SPAG16: variants seen among roughly 807,000 people sequenced by gnomAD.
The protein encoded by SPAG16 is sperm associated antigen 16, also known as sperm-associated antigen 16 protein.
Under a neutral mutation model 80.4 loss-of-function variants are expected in SPAG16, and 86 were observed. That is an observed-to-expected ratio of 1.07 (90% CI 0.90 to 1.28). The LOEUF is 1.28. Ranked by LOEUF, SPAG16 falls within the 50% of genes most tolerant of loss-of-function variation. The probability of loss-of-function intolerance (pLI) is 0.00; values close to 1 mark genes in which losing one functional copy is unlikely to be tolerated. For missense variants in SPAG16, 870 were observed against 765.3 expected, an observed-to-expected ratio of 1.14 and a Z score of -1.61; for synonymous variants, 294 against 265.9, an observed-to-expected ratio of 1.11 and a Z score of -1.03.
intron 9 of SPAG16, among the ~76,000 whole-genome samples, chr2:213,399,002 A>G (rs1421052366): frequency 6.6e-6 from 1 of 151,878 alleles, no homozygotes; most frequent in Non-Finnish European, 1.5e-5. Flanking sequence ...TTTCTGCTAA[A>G]CCCCCTGTTT....
At chr2:213,540,029 A>ATTTTTT (rs58117443) in intron 10 of SPAG16, among the ~76,000 whole-genome samples, 16 of 110,816 alleles carry the variant, frequency 1.4e-4, no homozygotes, top group Non-Finnish European at 2.4e-4. Context: ...ATATTTCTTA[A>ATTTTTT]TTTTTTTTTT....
intron 15 of SPAG16, among the ~76,000 whole-genome samples, chr2:214,195,467 T>C (rs753296322): frequency 6.6e-6 from 1 of 152,008 alleles, no homozygotes; most frequent in Non-Finnish European, 1.5e-5. Context: ...AGGAGACCAC[T>C]GATGGGGCTG....
At chr2:213,357,833 T>G (rs2065749722) in intron 7 of SPAG16, among the ~76,000 whole-genome samples, 3 of 152,248 alleles carry the variant, frequency 2.0e-5, no homozygotes, top group Admixed American at 2.0e-4. Flanking sequence ...CATTAATTGA[T>G]GCAGTTTCTT....
At chr2:214,045,540 C>G (rs2049269498) in intron 13 of SPAG16, among the ~76,000 whole-genome samples, 1 of 152,154 alleles carries the variant, frequency 6.6e-6, no homozygotes, top group Non-Finnish European at 1.5e-5. Context: ...TGTCTTTCAC[C>G]TTAGATATCA....
intron 15 of SPAG16, among the ~76,000 whole-genome samples, chr2:214,228,940 C>G (rs1169536158): frequency 6.6e-6 from 1 of 151,780 alleles, no homozygotes; most frequent in Non-Finnish European, 1.5e-5. Context: ...CATTAACAAA[C>G]TCATAATTTT....
intron 15 of SPAG16, among the ~76,000 whole-genome samples, chr2:214,407,379 A>G (rs979802910): frequency 6.6e-6 from 1 of 152,090 alleles, no homozygotes; most frequent in African/African-American, 2.4e-5. Context: ...TTAATTTCAC[A>G]TTTTTTAAAG....
chr2:213,927,408 C>T (rs547742635), intron 11 of SPAG16, among the ~76,000 whole-genome samples: 1 of 152,204 alleles, frequency 6.6e-6, no homozygotes, highest in African/African-American at 2.4e-5. Context: ...TTTTAGTGTA[C>T]CATTCTTTTT....
chr2:213,739,890 C>T (rs1451047364), intron 10 of SPAG16, among the ~76,000 whole-genome samples: 2 of 152,216 alleles, frequency 1.3e-5, no homozygotes, highest in Non-Finnish European at 2.9e-5. Flanking sequence ...GCGTGAGCCA[C>T]TGTGCCTGGC....
At chr2:213,828,777 T>A (rs2073450874) in intron 10 of SPAG16, among the ~76,000 whole-genome samples, 1 of 152,234 alleles carries the variant, frequency 6.6e-6, no homozygotes, top group Non-Finnish European at 1.5e-5. Context: ...CTGTGGTTCT[T>A]GAAGACTTGT....
At chr2:213,850,536 C>T (rs1417465856) in intron 10 of SPAG16, among the ~76,000 whole-genome samples, 1 of 152,212 alleles carries the variant, frequency 6.6e-6, no homozygotes, top group Admixed American at 6.5e-5. Context: ...TCAGATTCTT[C>T]TGGCCTGCCT....
At chr2:213,498,116 T>C (rs1964673) in intron 10 of SPAG16, among the ~76,000 whole-genome samples, 55,970 of 151,964 alleles carry the variant, frequency 0.37, 10,546 homozygotes, top group Middle Eastern at 0.48. Context: ...CACACATGTA[T>C]TCATTATTCT....
At chr2:213,326,713 AAGAT>A (rs2063857655) in intron 5 of SPAG16, among the ~76,000 whole-genome samples, 1 of 152,026 alleles carries the variant, frequency 6.6e-6, no homozygotes, top group Admixed American at 6.5e-5. Context: ...ATATATGACA[AAGAT>A]AGCCTACTTC....
At chr2:213,702,794 C>G (rs528119499) in intron 10 of SPAG16, among the ~76,000 whole-genome samples, 2 of 152,156 alleles carry the variant, frequency 1.3e-5, no homozygotes, top group East Asian at 3.9e-4. Flanking sequence ...AGGCCTATTT[C>G]TAGAGTTGAT....
chr2:214,305,761 T>G (rs1343281654), intron 15 of SPAG16, among the ~76,000 whole-genome samples: 1 of 152,214 alleles, frequency 6.6e-6, no homozygotes, highest in Non-Finnish European at 1.5e-5. Context: ...ACCATGCTGT[T>G]TTGGTTACCA....
chr2:213,985,614 G>A (rs898773155), intron 12 of SPAG16, among the ~76,000 whole-genome samples: 7 of 151,992 alleles, frequency 4.6e-5, no homozygotes, highest in Non-Finnish European at 7.4e-5. Context: ...TTGCACAAAA[G>A]CATCAAAGTC....
intron 15 of SPAG16, chr2:214,240,552 G>A (rs1689387839): frequency 6.6e-6 from 1 of 152,094 alleles, no homozygotes; most frequent in Non-Finnish European, 1.5e-5. Flanking sequence ...ATATGTCTCA[G>A]AATGACAATC....
intron 9 of SPAG16, among the ~76,000 whole-genome samples, chr2:213,440,708 A>G (rs1282880955): frequency 6.6e-6 from 1 of 152,270 alleles, no homozygotes; most frequent in Non-Finnish European, 1.5e-5. Flanking sequence ...TGATTTAAAT[A>G]AATATGCAAT....
chr2:213,710,063 T>C (rs2065916697), intron 10 of SPAG16, among the ~76,000 whole-genome samples: 3 of 152,010 alleles, frequency 2.0e-5, no homozygotes, highest in Admixed American at 2.0e-4. Flanking sequence ...GGCAGGCAGA[T>C]AAGGATGGAG....
At chr2:213,674,798 G>C (rs1315351753) in intron 10 of SPAG16, among the ~76,000 whole-genome samples, 1 of 150,208 alleles carries the variant, frequency 6.7e-6, no homozygotes, top group African/African-American at 2.5e-5. Flanking sequence ...TGGACATTTG[G>C]GTTGGTTCCA....
Sources: allele counts gnomAD v4.1 joint callset (sites outside exome capture counted in the v4.1 genomes callset), GRCh38; gene constraint gnomAD v4.1.1; transcripts MANE v1.5; gene names NCBI Gene and HGNC (gene_info 2026-07-23, HGNC 2026-07-21).